Variants in C1orf141 observed in about 807,000 individuals in gnomAD.
C1orf141 encodes the protein uncharacterized protein C1orf141.
C1orf141 carries 19 observed loss-of-function variants against 23.2 expected under a neutral mutation model. The ratio of observed to expected loss-of-function variants is 0.82; its 90% CI spans 0.57 to 1.20. The LOEUF (loss-of-function observed/expected upper bound fraction) is 1.20. Ranked by LOEUF, C1orf141 falls within the 50% of genes most tolerant of loss-of-function variation. The pLI, the probability that C1orf141 is intolerant of heterozygous loss-of-function variation, is 0.00. For synonymous variants in C1orf141, 153 were observed against 154.6 expected (o/e 0.99, Z 0.08); for missense variants, 469 against 455.1 (o/e 1.03, Z -0.28).
chr1:67,109,102 C>T (rs890627334), intron 5 of C1orf141, among the ~76,000 whole-genome samples: 4 of 151,966 alleles, frequency 2.6e-5, no homozygotes, highest in Admixed American at 6.6e-5. Flanking sequence ...CCGAGGCAGG[C>T]GGATCACGAG....
chr1:67,125,194 G>A (rs10736408), intron 4 of C1orf141, among the ~76,000 whole-genome samples: 135,978 of 152,168 alleles, frequency 0.89, 60,970 homozygotes, highest in East Asian at 0.98. Flanking sequence ...CAATATAATT[G>A]AGCTCAAGAA....
At chr1:67,116,368 A>G (rs1646193591) in intron 4 of C1orf141, among the ~76,000 whole-genome samples, 2 of 151,836 alleles carry the variant, frequency 1.3e-5, no homozygotes, top group African/African-American at 4.8e-5. Context: ...CCAAATCCAA[A>G]CACCTCTTTC....
intron 1 of C1orf141, among the ~76,000 whole-genome samples, chr1:67,133,636 GA>G (rs1216660718): frequency 1.3e-5 from 2 of 152,200 alleles, no homozygotes; most frequent in African/African-American, 4.8e-5. Context: ...AGCATTTAAA[GA>G]GTAAAGTTAA....
At chr1:67,109,957 C>T (rs1007861600) in intron 5 of C1orf141, among the ~76,000 whole-genome samples, 16 of 151,798 alleles carry the variant, frequency 1.1e-4, no homozygotes, top group Middle Eastern at 3.4e-3. Context: ...TTAAATTGTA[C>T]CCACTGAGAA....
intron 1 of C1orf141, among the ~76,000 whole-genome samples, chr1:67,132,946 G>A (rs1388318024): frequency 6.6e-6 from 1 of 152,056 alleles, no homozygotes; most frequent in Non-Finnish European, 1.5e-5. Flanking sequence ...ATGCCAATTG[G>A]GGCAGAATGA....
chr1:67,095,676 G>A (rs113767309), intron 6 of C1orf141: 2 of 331,926 alleles, frequency 6.0e-6, no homozygotes, highest in Non-Finnish European at 5.4e-6. Flanking sequence ...TTATTACGTA[G>A]GTTGAGGAGA....
At chr1:67,111,647 A>G (rs1646075064) in intron 5 of C1orf141, 16 of 1,335,480 alleles carry the variant, frequency 1.2e-5, no homozygotes, top group Non-Finnish European at 1.6e-5. Context: ...TACTGGCTCT[A>G]AAGAAACAAA....
chr1:67,125,716 T>C, intron 4 of C1orf141, 36 bp downstream of exon 4: 1 of 1,594,126 alleles, frequency 6.3e-7, no homozygotes, highest in Non-Finnish European at 8.6e-7. Flanking sequence ...ACAAACAAAT[T>C]CTGAACTGAA....
At chr1:67,122,385 T>A (rs1646317213) in intron 4 of C1orf141, 3 of 152,228 alleles carry the variant, frequency 2.0e-5, no homozygotes, top group African/African-American at 7.2e-5. Flanking sequence ...ATGAAATAGT[T>A]AAAACTAACA....
At chr1:67,121,591 T>A (rs916708431) in intron 4 of C1orf141, 4 of 152,072 alleles carry the variant, frequency 2.6e-5, no homozygotes, top group Non-Finnish European at 4.4e-5. Flanking sequence ...AAATATACAA[T>A]AATTAGGAAG....
intron 5 of C1orf141, among the ~76,000 whole-genome samples, chr1:67,108,114 A>G (rs142717234): frequency 6.6e-6 from 1 of 152,192 alleles, no homozygotes; most frequent in African/African-American, 2.4e-5. Flanking sequence ...AAATATCACA[A>G]ATAAAAATGT....
chr1:67,118,232 G>A (rs1455055669), intron 4 of C1orf141, among the ~76,000 whole-genome samples: 1 of 152,144 alleles, frequency 6.6e-6, no homozygotes, highest in Non-Finnish European at 1.5e-5. Context: ...ATTCTACAAA[G>A]ATCCACCAAT....
At chr1:67,111,576 C>A (rs1427635656) in intron 5 of C1orf141, 7 of 1,252,124 alleles carry the variant, frequency 5.6e-6, no homozygotes, top group Non-Finnish European at 6.4e-6. Context: ...ATTACACCTA[C>A]CTCAGTTGTA....
At chr1:67,094,697 C>A (rs1307622196) in intron 7 of C1orf141, 1 of 152,268 alleles carries the variant, frequency 6.6e-6, no homozygotes, top group East Asian at 1.9e-4. Context: ...AGCTTTCGAG[C>A]CATATTGCCT....
chr1:67,113,157 T>C (rs1050783080), intron 5 of C1orf141, among the ~76,000 whole-genome samples: 4 of 151,570 alleles, frequency 2.6e-5, no homozygotes, highest in African/African-American at 9.7e-5. Flanking sequence ...TTTTTGTATT[T>C]TTAGTAGAGA....
intron 2 of C1orf141, among the ~76,000 whole-genome samples, chr1:67,129,170 G>T (rs1646473547): frequency 6.6e-6 from 1 of 151,978 alleles, no homozygotes; most frequent in African/African-American, 2.4e-5. Context: ...AAAGTATACA[G>T]ACATGCTGGG....
chr1:67,111,723 G>T (rs2102457454), intron 5 of C1orf141: 1 of 555,768 alleles, frequency 1.8e-6, no homozygotes, highest in Non-Finnish European at 3.0e-6. Context: ...CTCCACTGCA[G>T]TAAACTTTTA....
At chr1:67,124,741 T>C (rs75555083) in intron 4 of C1orf141, among the ~76,000 whole-genome samples, 314 of 152,328 alleles carry the variant, frequency 2.1e-3, no homozygotes, top group Non-Finnish European at 3.3e-3. Flanking sequence ...ATTTAAACCT[T>C]AGCAGTCTGA....
chr1:67,097,170 G>T (rs1045489360), intron 5 of C1orf141, among the ~76,000 whole-genome samples: 1 of 151,972 alleles, frequency 6.6e-6, no homozygotes, highest in Admixed American at 6.6e-5. Flanking sequence ...GCCAGCTGGG[G>T]CAGTATACTA....
Sources: gnomAD v4.1 joint callset for allele counts (sites outside exome capture counted in the v4.1 genomes callset) on GRCh38, gnomAD v4.1.1 for gene constraint, MANE v1.5 for transcripts, NCBI Gene and HGNC (gene_info 2026-07-23, HGNC 2026-07-21) for gene names.